Variants in NGEF observed in about 807,000 individuals in gnomAD.
NGEF encodes ephexin-1.
A neutral mutation model predicts 80.9 loss-of-function variants in NGEF; 31 were observed. The ratio of observed to expected loss-of-function variants is 0.38; its 90% CI spans 0.29 to 0.52. The LOEUF is 0.52. NGEF is among the 20% of genes least tolerant of loss of function. NGEF has a pLI of 0.84. For synonymous variants in NGEF, 371 were observed against 370.2 expected (o/e 1.00, Z -0.03); for missense variants, 709 against 926.2 (o/e 0.77, Z 3.04).
At chr2:232,959,778 C>T (rs1239337076) in intron 3 of NGEF, among the ~76,000 whole-genome samples, 2 of 152,118 alleles carry the variant, frequency 1.3e-5, no homozygotes, top group Admixed American at 1.3e-4. Flanking sequence ...GGGGTTTCTC[C>T]ATGTTGGTCA....
intron 5 of NGEF, among the ~76,000 whole-genome samples, chr2:232,896,531 GGGGGTGAGGGTA>G (rs1347687436): frequency 3.4e-5 from 5 of 144,978 alleles, no homozygotes; most frequent in Admixed American, 6.9e-5. Flanking sequence ...GGGTGAGGGT[GGGGGTGAGGGTA>G]GGGGTGAGGG....
In NGEF at chr2:232,975,383, A is replaced by T. The variant is rs138345451; in HGVS notation, c.-74-419T>A. ...GTTGTGGGCTGGTGCAAGGTCTCAC[A>T]ATGGTAAGTTTAGACATGGGCAAGG... On this transcript the variant is annotated intron_variant, in intron 1 of 14. Transcript: ENST00000264051. Among the ~76,000 whole-genome samples the T allele has an allele frequency of 2.0e-3, 300 of 152,310 alleles. 6 individuals carry two copies. The highest frequency in any genetic ancestry group is 0.017 in the Admixed American group (257 of 15,294).
intron 1 of NGEF, among the ~76,000 whole-genome samples, chr2:232,984,794 A>G (rs572246142): frequency 7.9e-5 from 12 of 152,306 alleles, no homozygotes; most frequent in African/African-American, 2.9e-4. Context: ...GTTTTATTTT[A>G]TATTTACAAA....
At chr2:233,009,827 C>G (rs1445854732) in intron 1 of NGEF, among the ~76,000 whole-genome samples, 2 of 152,154 alleles carry the variant, frequency 1.3e-5, no homozygotes, top group African/African-American at 4.8e-5. Context: ...CCACTCTCAT[C>G]TCTGTGGACC....
At chr2:232,909,730 A>C (rs1315675488) in intron 5 of NGEF, among the ~76,000 whole-genome samples, 1 of 150,952 alleles carries the variant, frequency 6.6e-6, no homozygotes, top group Non-Finnish European at 1.5e-5. Flanking sequence ...CGCTCCCCCC[A>C]CACCTAACCC....
intron 3 of NGEF, among the ~76,000 whole-genome samples, chr2:232,929,135 C>T (rs542010247): frequency 6.6e-6 from 1 of 152,366 alleles, no homozygotes; most frequent in Admixed American, 6.5e-5. Flanking sequence ...CGGGCCTGTC[C>T]TTTTTACGGC....
chr2:232,962,690 A>T lies in NGEF; in HGVS notation c.383+7524T>A, dbSNP rs1188093776. ...TGGCATTTAAAATAGGATAAAAAAGATGAAATACCTATGAACAAATTTATT... is the reference window on the plus strand; with the variant it reads ...TGGCATTTAAAATAGGATAAAAAAGTTGAAATACCTATGAACAAATTTATT... On this transcript the variant is annotated intron_variant, in intron 3 of 14. Coordinates refer to ENST00000264051, the MANE Select transcript of NGEF (RefSeq NM_019850.3). Among the ~76,000 whole-genome samples, 3 of 152,012 alleles carry T rather than the reference A, an allele frequency of 2.0e-5. No homozygotes were observed. In the East Asian group the frequency reaches 5.8e-4, roughly 29 times the overall value.
intron 1 of NGEF, among the ~76,000 whole-genome samples, chr2:232,975,984 T>A (rs985950598): frequency 6.6e-6 from 1 of 152,158 alleles, no homozygotes; most frequent in Non-Finnish European, 1.5e-5. Flanking sequence ...GCAGATCACC[T>A]GAGGCCAGGA....
At chr2:232,942,739 G>A (rs1373550087) in intron 3 of NGEF, among the ~76,000 whole-genome samples, 1 of 150,404 alleles carries the variant, frequency 6.6e-6, no homozygotes, top group Non-Finnish European at 1.5e-5. Context: ...GCGCGTGGAG[G>A]CGCACGCCTG....
At chr2:232,888,628 C>A (rs1196823457) in intron 8 of NGEF, among the ~76,000 whole-genome samples, 1 of 152,236 alleles carries the variant, frequency 6.6e-6, no homozygotes, top group African/African-American at 2.4e-5. Flanking sequence ...GCAAGAGAGC[C>A]CGCAGGTGTG....
intron 3 of NGEF, among the ~76,000 whole-genome samples, chr2:232,942,282 G>C (rs1409625117): frequency 6.6e-6 from 1 of 152,218 alleles, no homozygotes; most frequent in Non-Finnish European, 1.5e-5. Context: ...TGTCCTGTTG[G>C]ACTGGGCAAG....
At chr2:232,927,761 T>C (rs1438495740) in intron 3 of NGEF, 12 of 458,308 alleles carry the variant, frequency 2.6e-5, no homozygotes, top group Non-Finnish European at 4.0e-5. Context: ...GGGGTGGGAG[T>C]AGGGGCGGCG....
intron 5 of NGEF, among the ~76,000 whole-genome samples, chr2:232,902,996 C>T (rs1692399724): frequency 8.8e-6 from 1 of 114,184 alleles, no homozygotes; most frequent in Non-Finnish European, 1.9e-5. Flanking sequence ...TGTCTTAAAA[C>T]AAAACAAAAA....
intron 3 of NGEF, among the ~76,000 whole-genome samples, chr2:232,967,551 T>A (rs1287366592): frequency 3.3e-5 from 5 of 152,142 alleles, no homozygotes; most frequent in African/African-American, 7.2e-5. Flanking sequence ...GCCAGGCTAG[T>A]CTTGAACTCC....
chr2:232,890,343 C>T (rs983037789), intron 8 of NGEF, among the ~76,000 whole-genome samples: 1 of 152,176 alleles, frequency 6.6e-6, no homozygotes, highest in African/African-American at 2.4e-5. Context: ...TCCCATGCCT[C>T]CAGCTCTGTG....
intron 13 of NGEF, among the ~76,000 whole-genome samples, chr2:232,881,456 G>C (rs1160780786): frequency 1.3e-5 from 2 of 152,174 alleles, no homozygotes; most frequent in Non-Finnish European, 2.9e-5. Flanking sequence ...ATGCATAAAG[G>C]CTGTGAGGGG....
At chr2:232,974,342 C>T (rs3817321) in intron 2 of NGEF, among the ~76,000 whole-genome samples, 42,824 of 151,820 alleles carry the variant, frequency 0.28, 6,891 homozygotes, top group East Asian at 0.7. Context: ...GCATGTACAG[C>T]GAGGGGTGTT....
intron 5 of NGEF, among the ~76,000 whole-genome samples, chr2:232,908,488 G>C (rs1316424429): frequency 4.6e-5 from 4 of 87,422 alleles, no homozygotes; most frequent in African/African-American, 1.9e-4. Flanking sequence ...AATGCTGCTT[G>C]TTTATACGTT....
At position 232,883,372 on chromosome 2, in the gene NGEF, G is replaced by A. The variant is rs1691577512; in HGVS notation, c.1696C>T (p.Leu566=). The A allele has an allele frequency of 6.2e-7, 1 of 1,613,094 alleles. No homozygotes were observed. The highest frequency in any genetic ancestry group is 1.7e-5 in the Admixed American group (1 of 59,924). The change falls in exon 12 of 15, where the codon CTG becomes TTG. Residue 566 remains leucine, a synonymous_variant. Coordinates refer to ENST00000264051, the MANE Select transcript of NGEF (RefSeq NM_019850.3). ...TCATCTGCGTTCTCCAGCAGCCGCA[G>A]GATGAACACGTTGGCCAGCGTCTGG... ...QGQTLANVFI[L]RLLENADDRE...
Sources: allele counts gnomAD v4.1 joint callset (sites outside exome capture counted in the v4.1 genomes callset), GRCh38; gene constraint gnomAD v4.1.1; transcripts MANE v1.5; gene names NCBI Gene and HGNC (gene_info 2026-07-23, HGNC 2026-07-21).